TMPRSS11B: variants seen among roughly 807,000 people sequenced by gnomAD.
TMPRSS11B encodes the protein transmembrane serine protease 11B, also known as transmembrane protease serine 11B.
In TMPRSS11B, 53 loss-of-function variants were observed where a neutral mutation model predicts 44.7. That is an observed-to-expected ratio of 1.19 (90% CI 0.95 to 1.49). The LOEUF (loss-of-function observed/expected upper bound fraction) is 1.49, where lower values mean the gene tolerates loss of function less well. TMPRSS11B is among the 40% of genes most tolerant of loss of function. The pLI is 0.00. For synonymous variants in TMPRSS11B, 140 were observed against 159.2 expected (o/e 0.88, Z 0.91); for missense variants, 526 against 494.8 (o/e 1.06, Z -0.60).
At chr4:68,241,208 A>C (rs1357884527) in intron 2 of TMPRSS11B, among the ~76,000 whole-genome samples, 1 of 152,198 alleles carries the variant, frequency 6.6e-6, no homozygotes, top group Non-Finnish European at 1.5e-5. Flanking sequence ...TGTTAATAAA[A>C]GTTTTAAAAA....
chr4:68,241,930 G>A, intron 1 of TMPRSS11B, 126 bp from the exon 2 acceptor site: 1 of 620,294 alleles, frequency 1.6e-6, no homozygotes. Context: ...TGAAAACATA[G>A]AAACCTCAAA....
At chr4:68,240,818 TG>T (rs1380400715) in intron 2 of TMPRSS11B, among the ~76,000 whole-genome samples, 1 of 152,146 alleles carries the variant, frequency 6.6e-6, no homozygotes, top group African/African-American at 2.4e-5. Flanking sequence ...GTGTAATTTT[TG>T]CTGAGTCAGC....
intron 2 of TMPRSS11B, 78 bp downstream of exon 2, chr4:68,241,611 G>T: frequency 2.4e-6 from 2 of 849,680 alleles, no homozygotes; most frequent in Non-Finnish European, 3.7e-6. Flanking sequence ...GAAATTTAAT[G>T]TTCATGTTGT....
At chr4:68,232,574 T>C (rs1055616134) in intron 5 of TMPRSS11B, among the ~76,000 whole-genome samples, 158 bp from the exon 6 acceptor site, 1 of 152,246 alleles carries the variant, frequency 6.6e-6, no homozygotes, top group Non-Finnish European at 1.5e-5. Flanking sequence ...CTGACTCTTA[T>C]TTGTTACATT....
At chr4:68,236,305 A>T in intron 2 of TMPRSS11B, 39 bp from the exon 3 acceptor site, 1 of 1,355,284 alleles carries the variant, frequency 7.4e-7, no homozygotes, top group Non-Finnish European at 1.0e-6. Flanking sequence ...AGAATTTTAA[A>T]GTGGAAAGTG....
chr4:68,242,266 A>AATATAATATTATATATATTATAATAT, intron 1 of TMPRSS11B, among the ~76,000 whole-genome samples: 1 of 31,402 alleles, frequency 3.2e-5, no homozygotes, highest in Non-Finnish European at 5.5e-5. Flanking sequence ...TAATATATAT[A>AATATAATATTATATATATTATAATAT]ATATAATATT....
At chr4:68,235,979 A>G in intron 4 of TMPRSS11B, 23 bp downstream of exon 4, 2 of 1,470,360 alleles carry the variant, frequency 1.4e-6, no homozygotes, top group Non-Finnish European at 1.8e-6. Flanking sequence ...CTTTCATAAA[A>G]TCTTAAATGA....
chr4:68,243,675 A>G (rs529205127), intron 1 of TMPRSS11B, among the ~76,000 whole-genome samples: 8 of 152,298 alleles, frequency 5.3e-5, no homozygotes, highest in Non-Finnish European at 1.0e-4. Flanking sequence ...TTTAATGACT[A>G]TAAAAGTGCA....
Position 68,244,107 on chromosome 4 carries a change from G to A in TMPRSS11B, c.8+1444C>T, listed in dbSNP as rs1420593381. ...TAATAGCTGCACTTTTAAAAATTAT[G>A]TTCTAAATATCAAAAAATGTCCATT... On this transcript the variant is annotated intron_variant, in intron 1 of 9. Transcript: ENST00000332644. Among the ~76,000 whole-genome samples, 4 of 152,146 alleles carry A rather than the reference G, an allele frequency of 2.6e-5. No homozygotes were observed. In the South Asian group the frequency reaches 6.2e-4, roughly 24 times the overall value.
chr4:68,234,444 A>C lies in TMPRSS11B; in HGVS notation c.469+19T>G. 6.3e-7 allele frequency: 1 copy of C among 1,597,936 alleles called. No individual in the cohort carries two copies. Among genetic ancestry groups the C allele is most frequent in the Non-Finnish European group, 8.5e-7 (1 of 1,174,656 alleles). On this transcript the variant is annotated intron_variant, in intron 5 of 9. Transcript: ENST00000332644. ...GAAAAAACCTATGTAATAGAAAATAATGGAAATAAGTCAAATACCCATGAG... is the reference window on the plus strand; with the variant it reads ...GAAAAAACCTATGTAATAGAAAATACTGGAAATAAGTCAAATACCCATGAG...
chr4:68,242,362 T>TATAATATTA, intron 1 of TMPRSS11B, among the ~76,000 whole-genome samples: 1 of 23,928 alleles, frequency 4.2e-5, no homozygotes, highest in African/African-American at 1.4e-4. Context: ...TAATATTATA[T>TATAATATTA]TATATATAAT....
intron 2 of TMPRSS11B, among the ~76,000 whole-genome samples, chr4:68,240,042 C>T (rs1357975015): frequency 6.6e-6 from 1 of 152,106 alleles, no homozygotes; most frequent in Non-Finnish European, 1.5e-5. Flanking sequence ...ATACTTATCT[C>T]TGAGTTAATC....
intron 2 of TMPRSS11B, among the ~76,000 whole-genome samples, chr4:68,237,994 G>T (rs1262664023): frequency 1.3e-5 from 2 of 152,124 alleles, no homozygotes; most frequent in African/African-American, 2.4e-5. Context: ...TCCAGACTTG[G>T]TGACAGAGTG....
intron 6 of TMPRSS11B, 110 bp from the exon 7 acceptor site, chr4:68,231,490 T>C: frequency 9.8e-7 from 1 of 1,019,502 alleles, no homozygotes; most frequent in Non-Finnish European, 1.4e-6. Context: ...CAACTTCTCC[T>C]AATTGATGAC....
intron 2 of TMPRSS11B, among the ~76,000 whole-genome samples, chr4:68,238,346 G>C (rs1719730624): frequency 6.6e-6 from 1 of 152,148 alleles, no homozygotes; most frequent in African/African-American, 2.4e-5. Flanking sequence ...TATGAAGCTA[G>C]AGGAGCTAGT....
chr4:68,233,662 A>T (rs571833392), intron 5 of TMPRSS11B, among the ~76,000 whole-genome samples: 1 of 152,198 alleles, frequency 6.6e-6, no homozygotes. Context: ...TTTAAATTTA[A>T]GTTCTCAAAA....
At chr4:68,238,946 C>G (rs1053025832) in intron 2 of TMPRSS11B, among the ~76,000 whole-genome samples, 4 of 152,126 alleles carry the variant, frequency 2.6e-5, no homozygotes, top group African/African-American at 9.7e-5. Context: ...TGTCAAAAGT[C>G]TCATACATCA....
chr4:68,239,828 G>A (rs1719775872), intron 2 of TMPRSS11B, among the ~76,000 whole-genome samples: 1 of 152,152 alleles, frequency 6.6e-6, no homozygotes, highest in Admixed American at 6.6e-5. Flanking sequence ...CTAAGGGTAG[G>A]GCCTAGAGAA....
rs758401916 is a variant in TMPRSS11B, at chr4:68,231,189, A to C, written c.686+14T>G. 1.3e-5 allele frequency: 20 copies of C among 1,592,888 alleles called. No individual in the cohort carries two copies. Among genetic ancestry groups the C allele is most frequent in the Non-Finnish European group, 5.1e-6 (6 of 1,169,386 alleles). Reference sequence around the variant, plus strand: ...CACCTAGCATCCTTCATTTAGTCAAATTTTCAAACTTACTTAGCAAAGCAG... The same window carrying C: ...CACCTAGCATCCTTCATTTAGTCAACTTTTCAAACTTACTTAGCAAAGCAG... On this transcript the variant is annotated intron_variant, in intron 7 of 9. Coordinates refer to ENST00000332644, the MANE Select transcript of TMPRSS11B (RefSeq NM_182502.3).
Sources: allele counts gnomAD v4.1 joint callset (sites outside exome capture counted in the v4.1 genomes callset), GRCh38; gene constraint gnomAD v4.1.1; transcripts MANE v1.5; gene names NCBI Gene and HGNC (gene_info 2026-07-23, HGNC 2026-07-21).